NLGN4X: variants seen among roughly 807,000 people sequenced by gnomAD.
NLGN4X encodes the protein neuroligin-4, X-linked.
Under a neutral mutation model 40.3 loss-of-function variants are expected in NLGN4X, and 3 were observed. That is an observed-to-expected ratio of 0.07 (90% CI 0.03 to 0.19). The LOEUF (loss-of-function observed/expected upper bound fraction) is 0.19, where lower values mean the gene tolerates loss of function less well. NLGN4X is among the 10% of genes least tolerant of loss of function. The pLI is 1.00. For synonymous variants in NLGN4X, 270 were observed against 306.8 expected (o/e 0.88, Z 1.25); for missense variants, 382 against 708.3 (o/e 0.54, Z 5.23).
At chrX:6,054,806 C>T (rs1476274513) in intron 2 of NLGN4X, among the ~76,000 whole-genome samples, 1 of 110,508 alleles carries the variant, frequency 9.0e-6, no homozygotes, top group Non-Finnish European at 1.9e-5. Context: ...TACAGGTGCA[C>T]GCCACCACAC....
intron 3 of NLGN4X, among the ~76,000 whole-genome samples, chrX:5,929,279 A>G (rs756787024): frequency 1.8e-5 from 2 of 111,103 alleles, no homozygotes; most frequent in Non-Finnish European, 3.8e-5. Flanking sequence ...CCTGGCCAAC[A>G]TGGTGAAACC....
chrX:6,197,427 A>ATTTTTTTTTTTTT (rs72412595), intron 1 of NLGN4X, among the ~76,000 whole-genome samples: 2 of 79,469 alleles, frequency 2.5e-5, no homozygotes, highest in Non-Finnish European at 5.7e-5. Flanking sequence ...ATGCTCAGCT[A>ATTTTTTTTTTTTT]TTTTTTTTTT....
At chrX:5,950,428 C>T in intron 3 of NLGN4X, among the ~76,000 whole-genome samples, 1 of 112,100 alleles carries the variant, frequency 8.9e-6, no homozygotes, top group Non-Finnish European at 1.9e-5. Context: ...TTGAATGCAA[C>T]TACTAGAAAA....
chrX:5,960,972 C>CG (rs888388552), intron 3 of NLGN4X, among the ~76,000 whole-genome samples: 1 of 111,011 alleles, frequency 9.0e-6, no homozygotes, highest in Non-Finnish European at 1.9e-5. Flanking sequence ...TTTCAGACCT[C>CG]GGGGGGAGAA....
chrX:5,958,835 G>C (rs987070771), intron 3 of NLGN4X, among the ~76,000 whole-genome samples: 1 of 112,440 alleles, frequency 8.9e-6, no homozygotes, highest in Non-Finnish European at 1.9e-5. Flanking sequence ...ACCTGGCTGA[G>C]TTTCATTAGG....
At position 6,151,337 on chromosome X, in the gene NLGN4X, G is replaced by C. The variant is rs1345443545; in HGVS notation, c.130C>G (p.Gln44Glu). Residue 44 changes from glutamine to glutamate, a missense_variant, in exon 2 of 6, where the codon CAG (glutamine) becomes GAG (glutamate). Around this residue, in one of 5 missense-constraint regions of NLGN4X, gnomAD observed 115 missense variants for 149.6 expected, o/e 0.77. Transcript: ENST00000381095. ...TAATTTGTGTTGACAACTGGATACT[G>C]TGCTTGGCTGTCAATGAGGGTGAAC... ...IKFTLIDSQAQYPVVNTNYGK... is the reference protein window; with the variant it reads ...IKFTLIDSQAEYPVVNTNYGK... 8.3e-7 allele frequency: 1 copy of C among 1,210,103 alleles called. No homozygotes were observed. Among genetic ancestry groups the C allele is most frequent in the East Asian group, 3.0e-5 (1 of 33,772 alleles).
rs749574818 is a variant in NLGN4X, at chrX:6,225,689, C to CTTTTTTTTTT, written c.-306+2842_-306+2851dup. Among the ~76,000 whole-genome samples the CTTTTTTTTTT allele has an allele frequency of 4.5e-3, 120 of 26,913 alleles. 9 individuals are homozygous for CTTTTTTTTTT. The highest frequency in any genetic ancestry group is 0.042 in the Middle Eastern group (1 of 24). 23.4% of individuals were successfully genotyped at this position (26,913 alleles called of 115,157 possible). On this transcript the variant is annotated intron_variant, in intron 1 of 5. Transcript: ENST00000381095. ...TTTCCTTTTTTTTCTTTCTTTTTTT[C>CTTTTTTTTTT]TTTTTTTTTTTTTTTTTTTTTTTTT... is the stretch of plus-strand genomic sequence containing the variant.
intron 5 of NLGN4X, among the ~76,000 whole-genome samples, chrX:5,899,747 C>G (rs1397000277): frequency 9.4e-6 from 1 of 106,349 alleles, no homozygotes; most frequent in Non-Finnish European, 1.9e-5. Context: ...AGTCTCATAG[C>G]CTTTGGAAGT....
chrX:6,082,750 C>G (rs1485077706), intron 2 of NLGN4X, among the ~76,000 whole-genome samples: 1 of 108,902 alleles, frequency 9.2e-6, no homozygotes, highest in Non-Finnish European at 1.9e-5. Context: ...AAGGCAGCTC[C>G]CGGGCAGGTA....
intron 2 of NLGN4X, among the ~76,000 whole-genome samples, chrX:6,117,351 A>C (rs1000392194): frequency 1.8e-5 from 2 of 110,774 alleles, no homozygotes. Flanking sequence ...ACATGGCTGG[A>C]AAAAAACCCT....
chrX:5,921,116 C>T (rs1290871429), intron 3 of NLGN4X, among the ~76,000 whole-genome samples: 6 of 92,237 alleles, frequency 6.5e-5, no homozygotes, highest in African/African-American at 2.6e-4. Flanking sequence ...AACAAGATCA[C>T]ATATGGTAAG....
chrX:5,890,829 A>G lies in NLGN4X; in HGVS notation c.*1988T>C. 1 of 311,296 alleles carries G rather than the reference A, an allele frequency of 3.2e-6. No individual in the cohort carries two copies. The highest frequency in any genetic ancestry group is 3.5e-5 in the Admixed American group (1 of 28,374). The allele number at this position is 311,296 out of a possible 1,213,427, so 25.7% of individuals were successfully genotyped here. On this transcript the variant is annotated 3_prime_UTR_variant, in exon 6 of 6. Coordinates refer to ENST00000381095, the MANE Select transcript of NLGN4X (RefSeq NM_181332.3). ...TGGGGGTGACTTGTACGCATTTCTA[A>G]AAACACTTTTCTTTTTTCTAGAGGT...
Position 6,131,305 on chromosome X carries a change from G to A in NLGN4X, c.472+19690C>T, listed in dbSNP as rs2039677242. On this transcript the variant is annotated intron_variant, in intron 2 of 5. Transcript: ENST00000381095. ...TTCCATGTCTTGATAAATTAGCATG[G>A]CATGCTAATCATCTGATAAACTAAT... Among the ~76,000 whole-genome samples the A allele has an allele frequency of 2.7e-5, 3 of 111,364 alleles. No homozygotes were observed. In the Admixed American group the frequency reaches 2.9e-4, roughly 11 times the overall value.
intron 3 of NLGN4X, among the ~76,000 whole-genome samples, chrX:5,941,023 G>A (rs770567709): frequency 9.1e-6 from 1 of 109,320 alleles, no homozygotes; most frequent in Non-Finnish European, 1.9e-5. Context: ...AGCTACTTGG[G>A]AAGCTGAGGC....
intron 1 of NLGN4X, among the ~76,000 whole-genome samples, chrX:6,182,578 AC>A (rs1403795689): frequency 2.7e-5 from 3 of 111,896 alleles, no homozygotes; most frequent in African/African-American, 9.7e-5. Flanking sequence ...GTGACCTTTC[AC>A]GGCAAAGGGA....
intron 2 of NLGN4X, among the ~76,000 whole-genome samples, chrX:6,057,943 T>G (rs769955559): frequency 1.3e-4 from 15 of 111,824 alleles, no homozygotes; most frequent in Non-Finnish European, 2.8e-4. Flanking sequence ...CTCAATGTAA[T>G]AGGTCTGATC....
At chrX:6,123,722 A>G (rs1383339547) in intron 2 of NLGN4X, among the ~76,000 whole-genome samples, 2 of 108,479 alleles carry the variant, frequency 1.8e-5, no homozygotes, top group Non-Finnish European at 3.8e-5. Flanking sequence ...AAATGGGAAG[A>G]GGGAAATTTG....
chrX:6,121,217 A>G (rs140652670), intron 2 of NLGN4X, among the ~76,000 whole-genome samples: 64 of 111,262 alleles, frequency 5.8e-4, no homozygotes, highest in African/African-American at 1.7e-3. Flanking sequence ...ATCTTATGGT[A>G]CATCAAAACC....
chrX:5,946,630 G>A (rs777603329), intron 3 of NLGN4X, among the ~76,000 whole-genome samples: 2 of 111,584 alleles, frequency 1.8e-5, no homozygotes, highest in South Asian at 3.8e-4. Flanking sequence ...GTGTTTCTCT[G>A]AGGTGAAACT....
Sources: gnomAD v4.1 joint callset for allele counts (sites outside exome capture counted in the v4.1 genomes callset) on GRCh38, gnomAD v4.1.1 for gene constraint, gnomAD v4.1.1 regional missense constraint, MANE v1.5 for transcripts, NCBI Gene and HGNC (gene_info 2026-07-23, HGNC 2026-07-21) for gene names.